The following PTK2 variants were observed in gnomAD, a reference collection of about 807,000 sequenced individuals.
The protein encoded by PTK2 is protein tyrosine kinase 2.
A neutral mutation model predicts 150.1 loss-of-function variants in PTK2; 45 were observed. That is an observed-to-expected ratio of 0.30 (90% confidence interval 0.24 to 0.38). PTK2 has a LOEUF of 0.38. Ranked by LOEUF, PTK2 falls within the 10% of genes least tolerant of loss-of-function variation. The pLI is 1.00. For missense variants in PTK2, 919 were observed against 1,307.3 expected, an observed-to-expected ratio of 0.70 and a Z score of 4.58; for synonymous variants, 432 against 449.2, an observed-to-expected ratio of 0.96 and a Z score of 0.48.
At chr8:140,873,715 C>G (rs1266239841) in intron 4 of PTK2, among the ~76,000 whole-genome samples, 1 of 152,198 alleles carries the variant, frequency 6.6e-6, no homozygotes, top group African/African-American at 2.4e-5. Flanking sequence ...ATTCGCCCAC[C>G]TTGGCCTCCA....
intron 26 of PTK2, among the ~76,000 whole-genome samples, chr8:140,698,495 C>T (rs1267270912): frequency 1.3e-5 from 2 of 152,252 alleles, no homozygotes; most frequent in South Asian, 4.1e-4. Context: ...ACTCTGTCAC[C>T]CAGGCTGGAG....
intron 8 of PTK2, among the ~76,000 whole-genome samples, chr8:140,820,076 G>GTTTTTTTGTTTTT: frequency 2.0e-5 from 1 of 50,254 alleles, no homozygotes; most frequent in Middle Eastern, 0.017. Flanking sequence ...TCTGACTTTG[G>GTTTTTTTGTTTTT]TTTTTTTTTT....
chr8:140,936,999 G>C (rs560937868), intron 1 of PTK2, among the ~76,000 whole-genome samples: 1 of 152,012 alleles, frequency 6.6e-6, no homozygotes, highest in East Asian at 1.9e-4. Context: ...TAATAAAGTA[G>C]TTTACTCACA....
chr8:140,906,286 T>C (rs1476487788), intron 2 of PTK2, among the ~76,000 whole-genome samples: 1 of 152,112 alleles, frequency 6.6e-6, no homozygotes, highest in Non-Finnish European at 1.5e-5. Context: ...TAAAGTAGTA[T>C]AGCCATTATA....
At chr8:140,823,190 T>G (rs2100109837) in intron 8 of PTK2, among the ~76,000 whole-genome samples, 1 of 152,218 alleles carries the variant, frequency 6.6e-6, no homozygotes, top group Non-Finnish European at 1.5e-5. Flanking sequence ...CTATTAACAT[T>G]AACCAAATGT....
At chr8:140,925,629 T>C (rs1299928555) in intron 2 of PTK2, 32 bp downstream of exon 2, 1 of 983,656 alleles carries the variant, frequency 1.0e-6, no homozygotes, top group Admixed American at 6.1e-5. Context: ...ATTATTCACT[T>C]TCTTTGCAAA....
At chr8:140,954,331 A>G (rs2100180512) in intron 1 of PTK2, among the ~76,000 whole-genome samples, 1 of 152,102 alleles carries the variant, frequency 6.6e-6, no homozygotes, top group African/African-American at 2.4e-5. Context: ...CGGCCTCCCA[A>G]AGTGCTGGGA....
chr8:140,962,227 A>G (rs1286115423), intron 1 of PTK2, among the ~76,000 whole-genome samples: 1 of 150,126 alleles, frequency 6.7e-6, no homozygotes, highest in Non-Finnish European at 1.5e-5. Flanking sequence ...TTTAAAAAAA[A>G]AAAAAAAGGA....
At chr8:140,885,873 G>A (rs562438586) in intron 3 of PTK2, among the ~76,000 whole-genome samples, 1 of 152,112 alleles carries the variant, frequency 6.6e-6, no homozygotes, top group Non-Finnish European at 1.5e-5. Flanking sequence ...AAATGAAACC[G>A]GGTTCTGAGT....
At chr8:140,752,068 A>G in intron 17 of PTK2, 164 bp downstream of exon 20, 2 of 705,818 alleles carry the variant, frequency 2.8e-6, no homozygotes, top group Non-Finnish European at 5.1e-6. Context: ...AAAAATCTGT[A>G]GATAGGTGCT....
rs116125437 is a variant in PTK2, at chr8:140,925,924, G to C, written c.-121-175C>G. Among the ~76,000 whole-genome samples the C allele has an allele frequency of 8.5e-3, 1,300 of 152,302 alleles. 16 individuals carry two copies. Among genetic ancestry groups the C allele is most frequent in the African/African-American group, 0.03 (1,246 of 41,558 alleles). ...ATATAATTTTGACATGATGATACCA[G>C]GTAGATGCTAACTCTGTGCCAAGCC... On this transcript the variant is annotated intron_variant, in intron 1 of 31. Coordinates refer to ENST00000522684, the Ensembl canonical transcript of PTK2.
chr8:140,690,570 G>A (rs1190225382), intron 26 of PTK2, among the ~76,000 whole-genome samples: 1 of 152,060 alleles, frequency 6.6e-6, no homozygotes, highest in Non-Finnish European at 1.5e-5. Context: ...ACTTACTGTA[G>A]AAAAATTAAG....
intron 3 of PTK2, among the ~76,000 whole-genome samples, chr8:140,884,387 G>GT (rs574302871): frequency 5.6e-4 from 85 of 152,280 alleles, no homozygotes; most frequent in African/African-American, 1.9e-3. Context: ...TAAAGGAAGA[G>GT]TTTAATTTTC....
intron 12 of PTK2, among the ~76,000 whole-genome samples, chr8:140,800,205 T>C (rs1292721694): frequency 6.6e-6 from 1 of 152,106 alleles, no homozygotes; most frequent in East Asian, 1.9e-4. Context: ...ATTTAGAAAA[T>C]CCTCTAAGTA....
At chr8:140,889,702 A>G (rs1297485551) in intron 3 of PTK2, among the ~76,000 whole-genome samples, 2 of 152,176 alleles carry the variant, frequency 1.3e-5, no homozygotes, top group African/African-American at 4.8e-5. Flanking sequence ...ACTTCTCCTT[A>G]AAGATGAATA....
intron 2 of PTK2, among the ~76,000 whole-genome samples, chr8:140,902,551 G>C (rs924684939): frequency 3.3e-5 from 5 of 152,144 alleles, no homozygotes; most frequent in Non-Finnish European, 5.9e-5. Flanking sequence ...TTCCACAATG[G>C]TTGAACTAAT....
At chr8:140,824,640 T>A (rs561860979) in intron 8 of PTK2, among the ~76,000 whole-genome samples, 2 of 152,218 alleles carry the variant, frequency 1.3e-5, no homozygotes, top group Non-Finnish European at 2.9e-5. Flanking sequence ...AACTCCAAAA[T>A]CAGTTTTTAC....
chr8:140,863,193 T>A (rs748718808), intron 5 of PTK2, among the ~76,000 whole-genome samples: 1 of 152,230 alleles, frequency 6.6e-6, no homozygotes, highest in Non-Finnish European at 1.5e-5. Flanking sequence ...CTTATTTTCA[T>A]ATTCTGTTTT....
At chr8:140,891,560 G>C (rs2100154259) in intron 2 of PTK2, among the ~76,000 whole-genome samples, 1 of 152,150 alleles carries the variant, frequency 6.6e-6, no homozygotes, top group South Asian at 2.1e-4. Context: ...TTTCCCACAG[G>C]GCATTTGCCA....
Sources: allele counts gnomAD v4.1 joint callset (sites outside exome capture counted in the v4.1 genomes callset), GRCh38; gene constraint gnomAD v4.1.1; transcripts MANE v1.5; gene names NCBI Gene and HGNC (gene_info 2026-07-23, HGNC 2026-07-21).